The following SUSD1 variants were observed in gnomAD, a reference collection of about 807,000 sequenced individuals.
The protein encoded by SUSD1 is sushi domain-containing protein 1.
Under a neutral mutation model 86.9 loss-of-function variants are expected in SUSD1, and 65 were observed. That is an observed-to-expected ratio of 0.75 (90% CI 0.61 to 0.92). The LOEUF (loss-of-function observed/expected upper bound fraction) is 0.92, where lower values mean the gene tolerates loss of function less well. Ranked by LOEUF, SUSD1 falls within the 40% of genes least tolerant of loss-of-function variation. The probability of loss-of-function intolerance (pLI) is 0.00; values close to 1 mark genes in which losing one functional copy is unlikely to be tolerated. For missense variants in SUSD1, 850 were observed against 929.7 expected, an observed-to-expected ratio of 0.91 and a Z score of 1.11; for synonymous variants, 346 against 350.0, an observed-to-expected ratio of 0.99 and a Z score of 0.13.
Position 112,175,136 on chromosome 9 carries a change from C to T in SUSD1, c.100G>A (p.Asp34Asn). The T allele has an allele frequency of 9.5e-7, 1 of 1,051,678 alleles. No homozygotes were observed. The highest frequency in any genetic ancestry group is 1.1e-6 in the Non-Finnish European group (1 of 875,856). 65.1% of individuals were successfully genotyped at this position (1,051,678 alleles called of 1,614,324 possible). A position where few individuals can be genotyped will look rare whatever the true frequency, so the allele number is the denominator to read the frequency against. ...GCCCGTCCCAGCCCGCACTCACCGT[C>T]GGGGCCCGGCGCTCCCGCGGCGCCG... ...ARGAAGAPGP[D>N]GLDVCATCHE... Residue 34 changes from aspartate (D) to asparagine (N), a missense_variant, in exon 1 of 17, where the codon GAC (aspartate) becomes AAC (asparagine). Physicochemically the swap from Asp to Asn is conservative, Grantham distance 23 (BLOSUM62 1). Transcript: ENST00000374270. This position sits in a 1 kb window ranked among gnomAD's most constrained non-coding sequence, Gnocchi z 4.7.
chr9:112,142,286 A>G (rs754003534), intron 5 of SUSD1, 34 bp downstream of exon 5: 1 of 1,495,842 alleles, frequency 6.7e-7, no homozygotes, highest in Non-Finnish European at 8.9e-7. Context: ...TCAAGGTGGT[A>G]TGAATTGGGA....
chr9:112,165,130 A>G (rs1180972881), intron 1 of SUSD1, among the ~76,000 whole-genome samples: 1 of 152,172 alleles, frequency 6.6e-6, no homozygotes, highest in Non-Finnish European at 1.5e-5. Flanking sequence ...CTTTCTCCCT[A>G]AAGTTCTGAC....
At chr9:112,119,570 A>ATGAC (rs1831467590) in intron 6 of SUSD1, among the ~76,000 whole-genome samples, 1 of 152,236 alleles carries the variant, frequency 6.6e-6, no homozygotes, top group Non-Finnish European at 1.5e-5. Context: ...AGTGAGCGTC[A>ATGAC]GCCTTATAAT....
chr9:112,109,393 A>C lies in SUSD1; in HGVS notation c.1171+2261T>G, dbSNP rs17232598. ...AATGTCCAGGATCTAGAGGAAAAAA[A>C]TGACAAGTCTTTATAACAGTGCATA... On this transcript the variant is annotated intron_variant, in intron 8 of 16. Coordinates refer to ENST00000374270, the MANE Select transcript of SUSD1 (RefSeq NM_022486.5). Among the ~76,000 whole-genome samples, 30 of 152,318 alleles carry C rather than the reference A, an allele frequency of 2.0e-4. 1 individual carries two copies. The highest frequency in any genetic ancestry group is 1.1e-3 in the Admixed American group (17 of 15,300).
At position 112,058,671 on chromosome 9, in the gene SUSD1, T is replaced by C. The variant is rs373756194; in HGVS notation, c.1866A>G (p.Leu622=). ...KNGPISSYQV[L]VLPLALQSTF... is the part of the protein sequence containing the mutation. ...TGCTTTGGAGGGCCAGGGGAAGCAC[T>C]AACACCTGATATGAACTGGAAGAAA... Residue 622 remains leucine (L), a synonymous_variant, in exon 14 of 17, where the codon TTA becomes TTG. Transcript: ENST00000374270. 24 of 1,614,050 alleles carry C rather than the reference T, an allele frequency of 1.5e-5. No individual in the cohort carries two copies. The highest frequency in any genetic ancestry group is 1.6e-4 in the Middle Eastern group (1 of 6,084).
In SUSD1 at chr9:112,062,879, T is replaced by G. The variant is rs963255947; in HGVS notation, c.1850+58A>C. The G allele has an allele frequency of 3.1e-5, 38 of 1,225,744 alleles. No individual in the cohort carries two copies. In the Admixed American group the frequency reaches 4.3e-4, roughly 14 times the overall value. The allele number at this position is 1,225,744 out of a possible 1,614,324, so 75.9% of individuals were successfully genotyped here. On this transcript the variant is annotated intron_variant, in intron 13 of 16. Coordinates refer to ENST00000374270, the MANE Select transcript of SUSD1 (RefSeq NM_022486.5). ...AGTCTTCTCCTCACCAAAATCAAAG[T>G]TTCCAAAACACTCCATGGGGATCAC...
At chr9:112,046,991 G>A (rs1459560284) in intron 15 of SUSD1, among the ~76,000 whole-genome samples, 3 of 152,148 alleles carry the variant, frequency 2.0e-5, no homozygotes, top group Non-Finnish European at 4.4e-5. Flanking sequence ...GTAAGTTCAG[G>A]CACATTGTGG....
chr9:112,080,826 G>A (rs537923524), intron 10 of SUSD1, among the ~76,000 whole-genome samples: 89 of 152,164 alleles, frequency 5.8e-4, no homozygotes, highest in African/African-American at 1.6e-3. Context: ...AATAAGTGTC[G>A]GTTCGAAATT....
At chr9:112,048,874 C>T (rs1980739) in intron 15 of SUSD1, among the ~76,000 whole-genome samples, 151,419 of 152,354 alleles carry the variant, frequency 0.99, 75,246 homozygotes, top group Middle Eastern at 1. Context: ...GAGGAGAAAG[C>T]ATGGGCCATA....
At chr9:112,060,049 C>T (rs1242895602) in intron 13 of SUSD1, among the ~76,000 whole-genome samples, 1 of 147,876 alleles carries the variant, frequency 6.8e-6, no homozygotes, top group African/African-American at 2.5e-5. Context: ...AGGGTAATTT[C>T]CAAAACTCAT....
chr9:112,144,981 C>T (rs1832746814), intron 3 of SUSD1, among the ~76,000 whole-genome samples: 1 of 152,112 alleles, frequency 6.6e-6, no homozygotes, highest in African/African-American at 2.4e-5. Flanking sequence ...CTGGGCATGC[C>T]TATGGTCCCA....
chr9:112,057,075 C>G (rs1268070864), intron 14 of SUSD1, among the ~76,000 whole-genome samples: 1 of 152,136 alleles, frequency 6.6e-6, no homozygotes, highest in Non-Finnish European at 1.5e-5. Context: ...GCCTGGAGCC[C>G]TCACGATGGG....
chr9:112,060,501 T>C (rs1387209503), intron 13 of SUSD1, among the ~76,000 whole-genome samples: 1 of 152,156 alleles, frequency 6.6e-6, no homozygotes, highest in African/African-American at 2.4e-5. Context: ...CTGACCTCTT[T>C]AGCTGGGGGA....
In SUSD1 at chr9:112,140,333, C is replaced by T. The variant is rs1211325292; in HGVS notation, c.706+1987G>A. Among the ~76,000 whole-genome samples the T allele has an allele frequency of 8.8e-5, 7 of 79,542 alleles. 2 individuals carry two copies. Among genetic ancestry groups the T allele is most frequent in the African/African-American group, 2.0e-4 (2 of 9,878 alleles). 52.2% of individuals were successfully genotyped at this position (79,542 alleles called of 152,430 possible). ...GCCGAGATTGCGCCACTGCAGTCCG[C>T]AGTCCGGCCTGGGCGACAGAGCGAG... On this transcript the variant is annotated intron_variant, in intron 5 of 16. Transcript: ENST00000374270.
intron 5 of SUSD1, among the ~76,000 whole-genome samples, chr9:112,133,423 C>A (rs1471912274): frequency 6.6e-6 from 1 of 152,186 alleles, no homozygotes; most frequent in African/African-American, 2.4e-5. Flanking sequence ...CCTGATCAGT[C>A]ACCTTATCTT....
chr9:112,162,035 T>G (rs369339097), intron 1 of SUSD1, among the ~76,000 whole-genome samples: 1 of 152,164 alleles, frequency 6.6e-6, no homozygotes, highest in African/African-American at 2.4e-5. Flanking sequence ...TATTGAAAAT[T>G]ACAGTTTTTA....
At chr9:112,081,750 T>C (rs1362469913) in intron 10 of SUSD1, among the ~76,000 whole-genome samples, 1 of 152,128 alleles carries the variant, frequency 6.6e-6, no homozygotes. Flanking sequence ...AAATAAAATA[T>C]TAGCACAAAG....
intron 14 of SUSD1, among the ~76,000 whole-genome samples, chr9:112,057,279 T>A (rs1828493368): frequency 6.6e-6 from 1 of 152,170 alleles, no homozygotes; most frequent in African/African-American, 2.4e-5. Flanking sequence ...GTCTGTTGCC[T>A]AAGCTACCCA....
chr9:112,044,869 C>A (rs1280228626), intron 15 of SUSD1, among the ~76,000 whole-genome samples: 1 of 152,140 alleles, frequency 6.6e-6, no homozygotes, highest in East Asian at 1.9e-4. Flanking sequence ...AGGCAAATGG[C>A]AAGCTGGATA....
Sources: gnomAD v4.1 joint callset for allele counts (sites outside exome capture counted in the v4.1 genomes callset) on GRCh38, gnomAD v4.1.1 for gene constraint, Gnocchi (gnomAD v3.1) non-coding constraint, MANE v1.5 for transcripts, NCBI Gene and HGNC (gene_info 2026-07-23, HGNC 2026-07-21) for gene names.